The following NOTCH1 variants were observed in gnomAD, a reference collection of about 807,000 sequenced individuals.
The protein encoded by NOTCH1 is notch receptor 1, also known as neurogenic locus notch homolog protein 1.
Under a neutral mutation model 254.8 loss-of-function variants are expected in NOTCH1, and 37 were observed. The ratio of observed to expected loss-of-function variants is 0.15; its 90% CI spans 0.11 to 0.19. The LOEUF (loss-of-function observed/expected upper bound fraction) is 0.19, where lower values mean the gene tolerates loss of function less well. NOTCH1 is among the 10% of genes least tolerant of loss of function. NOTCH1 has a pLI of 1.00. For missense variants in NOTCH1, 2,972 were observed against 3,708.6 expected, an observed-to-expected ratio of 0.80 and a Z score of 5.16; for synonymous variants, 1,731 against 1,618.1, an observed-to-expected ratio of 1.07 and a Z score of -1.68.
At position 136,500,664 on chromosome 9, in the gene NOTCH1, G is replaced by A. The variant is rs2133325973; in HGVS notation, c.5822C>T (p.Ser1941Phe). The change falls in exon 31 of 34, where the codon TCT becomes TTT. Residue 1941 changes from serine (S) to phenylalanine (F), a missense_variant. Physicochemically the swap from Ser to Phe is radical, Grantham distance 155. Around this residue, in one of 8 missense-constraint regions of NOTCH1, gnomAD observed 421 missense variants for 604.4 expected, o/e 0.70. Transcript: ENST00000651671. ...CTCCAGCAGGCGCTTGGCGGCATCA[G>A]AGCGTGAGTAGCGGGCGGCCAGGTG... ...ALHLAARYSR[S>F]DAAKRLLEAS... 1 of 1,611,770 alleles carries A rather than the reference G, an allele frequency of 6.2e-7. No individual in the cohort carries two copies. The highest frequency in any genetic ancestry group is 8.5e-7 in the Non-Finnish European group (1 of 1,179,912).
intron 2 of NOTCH1, among the ~76,000 whole-genome samples, chr9:136,527,286 T>G (rs977289921): frequency 6.6e-6 from 1 of 152,226 alleles, no homozygotes; most frequent in African/African-American, 2.4e-5. Flanking sequence ...GCCTGCAGCA[T>G]GGCCATGGCC....
intron 3 of NOTCH1, 30 bp from the exon 4 acceptor site, chr9:136,523,218 T>C (rs765275815): frequency 1.0e-5 from 16 of 1,564,520 alleles, no homozygotes; most frequent in Non-Finnish European, 6.1e-6. Context: ...AGGGTCGTGC[T>C]GGCCTCACTG....
In NOTCH1 at chr9:136,518,575, G is replaced by A. The variant is rs777024482; in HGVS notation, c.1099+16C>T. ...ATGTGAGCCCCCTGCGCCCACCTGG[G>A]CCTCAAGGCACTCACCTGTGCGGCC... On this transcript the variant is annotated intron_variant, in intron 6 of 33. Coordinates refer to ENST00000651671, the MANE Select transcript of NOTCH1 (RefSeq NM_017617.5). The A allele has an allele frequency of 1.1e-5, 18 of 1,606,628 alleles. No individual in the cohort carries two copies. In the East Asian group the frequency reaches 1.1e-4, roughly 10 times the overall value.
At position 136,500,880 on chromosome 9, in the gene NOTCH1, G is replaced by A. The variant is rs1188197669; in HGVS notation, c.5639-33C>T. ...GGCAGAGACGGGTGCTCAGTCTGGA[G>A]GGCCGGTCCCCAGCTGCAGCCCAGG... On this transcript the variant is annotated intron_variant, in intron 30 of 33. Transcript: ENST00000651671. The A allele has an allele frequency of 3.2e-6, 5 of 1,554,428 alleles. No homozygotes were observed. The African/African-American group carries it at 4.1e-5, about 13-fold the overall frequency.
At position 136,497,243 on chromosome 9, in the gene NOTCH1, G is replaced by A. The variant is rs2133318278; in HGVS notation, c.6496C>T (p.Leu2166=). 6.2e-7 allele frequency: 1 copy of A among 1,612,338 alleles called. No homozygotes were observed. Among genetic ancestry groups the A allele is most frequent in the Non-Finnish European group, 8.5e-7 (1 of 1,179,940 alleles). The change falls in exon 34 of 34, where the codon CTG becomes TTG. Residue 2166 remains leucine, a synonymous_variant. Coordinates refer to ENST00000651671, the MANE Select transcript of NOTCH1 (RefSeq NM_017617.5). ...TTGGCCTCCTTGCTTCCACAGGCCA[G>A]GCCTTTGCTGCTGGGCTTGCGGACC... ...KKVRKPSSKG[L]ACGSKEAKDL...
intron 19 of NOTCH1, 103 bp downstream of exon 19, chr9:136,508,767 C>G: frequency 8.2e-7 from 1 of 1,223,258 alleles, no homozygotes; most frequent in Non-Finnish European, 1.1e-6. Flanking sequence ...GGGGGTGACC[C>G]CGAGCCGACA....
intron 2 of NOTCH1, among the ~76,000 whole-genome samples, chr9:136,528,389 CA>C: frequency 2.6e-5 from 3 of 117,446 alleles, no homozygotes; most frequent in East Asian, 2.3e-4. Flanking sequence ...TGGGCAGGGA[CA>C]GTGGGGGGGG....
chr9:136,509,276 G>A (rs888850949), intron 18 of NOTCH1, among the ~76,000 whole-genome samples: 1 of 152,188 alleles, frequency 6.6e-6, no homozygotes, highest in Non-Finnish European at 1.5e-5. Flanking sequence ...TCCCTCCCCT[G>A]CTTTCTTTAT....
chr9:136,506,847 G>T lies in NOTCH1; in HGVS notation c.3770C>A (p.Pro1257Gln). The T allele has an allele frequency of 6.2e-7, 1 of 1,612,026 alleles. No homozygotes were observed. Among genetic ancestry groups the T allele is most frequent in the Non-Finnish European group, 8.5e-7 (1 of 1,179,584 alleles). ...QVGGYSCTCPPGFVGERCEGD... is the reference protein window; with the variant it reads ...QVGGYSCTCPQGFVGERCEGD... ...CTCACAGCGCTCACCCACGAAGCCC[G>T]GCGGGCAGGTGCAGCTGTAGCCGCC... is the stretch of plus-strand genomic sequence containing the variant. The change falls in exon 23 of 34, where the codon CCG (proline) becomes CAG (glutamine). Residue 1257 changes from proline to glutamine, a missense_variant. Physicochemically the swap from Pro to Gln is moderately conservative, Grantham distance 76. This residue lies in a region of NOTCH1 where 1,343 missense variants were observed against 1,557.0 expected (regional missense o/e 0.86). Coordinates refer to ENST00000651671, the MANE Select transcript of NOTCH1 (RefSeq NM_017617.5). The surrounding 1 kb of genome is among the most constrained non-coding windows in gnomAD (Gnocchi z 4.5).
chr9:136,515,964 T>C lies in NOTCH1; in HGVS notation c.1669+17A>G, dbSNP rs1441979279. 1.3e-6 allele frequency: 2 copies of C among 1,594,160 alleles called. No homozygotes were observed. The highest frequency in any genetic ancestry group is 1.7e-6 in the Non-Finnish European group (2 of 1,167,772). On this transcript the variant is annotated intron_variant, in intron 10 of 33. Transcript: ENST00000651671. Reference sequence around the variant, plus strand: ...CCCGTCCCCAGTCCCTCCCCGCTGGTGGGCGCCAGCCCGCACCTTCCGTGC... The same window carrying C: ...CCCGTCCCCAGTCCCTCCCCGCTGGCGGGCGCCAGCCCGCACCTTCCGTGC...
chr9:136,530,476 G>T (rs1439952802), intron 2 of NOTCH1, among the ~76,000 whole-genome samples: 1 of 152,218 alleles, frequency 6.6e-6, no homozygotes, highest in Non-Finnish European at 1.5e-5. Flanking sequence ...GGCCCGTGGA[G>T]ATGGCGGAGC....
chr9:136,506,154 G>T lies in NOTCH1; in HGVS notation c.4015-273C>A, dbSNP rs549462329. Among the ~76,000 whole-genome samples the T allele has an allele frequency of 1.3e-5, 2 of 152,244 alleles. No individual in the cohort carries two copies. Among genetic ancestry groups the T allele is most frequent in the East Asian group, 3.9e-4 (2 of 5,174 alleles). On this transcript the variant is annotated intron_variant, in intron 24 of 33. Coordinates refer to ENST00000651671, the MANE Select transcript of NOTCH1 (RefSeq NM_017617.5). The surrounding 1 kb of genome is among the most constrained non-coding windows in gnomAD (Gnocchi z 4.5). ...CTCTCTGCCGTGATCCTGCGAGGGT[G>T]GGCAGGCATGTCATACCTCAGCCCA... is the stretch of plus-strand genomic sequence containing the variant.
At position 136,509,019 on chromosome 9, in the gene NOTCH1, G is replaced by C. The variant is rs1843134476; in HGVS notation, c.3022C>G (p.Leu1008Val). The C allele has an allele frequency of 6.4e-7, 1 of 1,563,506 alleles. No homozygotes were observed. Among genetic ancestry groups the C allele is most frequent in the East Asian group, 2.4e-5 (1 of 42,070 alleles). The part of the protein sequence containing the change: ...CVDGINSFTC[L>V]CPPGFTGSYC... ...CTGCCCGTGAAGCCGGGTGGACACA[G>C]GCAGGTGAACGAGTTGATGCCGTCC... The change falls in exon 19 of 34, where the codon CTG (leucine) becomes GTG (valine). Residue 1008 changes from leucine (L) to valine (V), a missense_variant. Around this residue, in one of 8 missense-constraint regions of NOTCH1, gnomAD observed 1,343 missense variants for 1,557.0 expected, o/e 0.86. Transcript: ENST00000651671.
chr9:136,537,777 C>G (rs930383406), intron 2 of NOTCH1, among the ~76,000 whole-genome samples: 2 of 152,122 alleles, frequency 1.3e-5, no homozygotes, highest in African/African-American at 4.8e-5. Context: ...GCCTGTGTGA[C>G]AGGGTGAGAC....
intron 30 of NOTCH1, among the ~76,000 whole-genome samples, 157 bp downstream of exon 30, chr9:136,501,591 C>G (rs1052072104): frequency 6.6e-6 from 1 of 152,176 alleles, no homozygotes; most frequent in Non-Finnish European, 1.5e-5. Flanking sequence ...CCAGGACCCC[C>G]CCACGTCTAC....
intron 10 of NOTCH1, 101 bp from the exon 11 acceptor site, chr9:136,515,817 T>A: frequency 7.9e-7 from 1 of 1,258,282 alleles, no homozygotes; most frequent in Non-Finnish European, 1.1e-6. Context: ...TGAGGAGGGC[T>A]CCGAGCGTGG....
Position 136,507,423 on chromosome 9 carries a change from G to A in NOTCH1, c.3525C>T (p.Tyr1175=), listed in dbSNP as rs2133345312. 2.5e-6 allele frequency: 4 copies of A among 1,608,350 alleles called. No homozygotes were observed. The highest frequency in any genetic ancestry group is 2.5e-6 in the Non-Finnish European group (3 of 1,178,150). ...TCTCCTCAGAGCAGTTCACCCCGTG[G>A]TAGCCGGCCACGCACTGTGCAGGCG... ...GGYSCKCVAG[Y]HGVNCSEEID... is the part of the protein sequence containing the mutation. Residue 1175 remains tyrosine (Y), a synonymous_variant, in exon 22 of 34, where the codon TAC becomes TAT. Coordinates refer to ENST00000651671, the MANE Select transcript of NOTCH1 (RefSeq NM_017617.5).
In NOTCH1 at chr9:136,516,057, C is replaced by T. The variant is rs1393979628; in HGVS notation, c.1593G>A (p.Glu531=). Residue 531 remains glutamate, a synonymous_variant, in exon 10 of 34, where the codon GAG becomes GAA. Coordinates refer to ENST00000651671, the MANE Select transcript of NOTCH1 (RefSeq NM_017617.5). ...TGHLCQYDVD[E]CASTPCKNGA... ...CATTCTTGCAGGGGGTGCTGGCACA[C>T]TCGTCCACATCGTACTGGCACAGAT... 3 of 1,612,218 alleles carry T rather than the reference C, an allele frequency of 1.9e-6. No individual in the cohort carries two copies. The highest frequency in any genetic ancestry group is 2.2e-5 in the East Asian group (1 of 44,888).
At position 136,505,559 on chromosome 9, in the gene NOTCH1, T is replaced by G. The variant is rs1432651635; in HGVS notation, c.4337A>C (p.Glu1446Ala). 1.2e-6 allele frequency: 2 copies of G among 1,611,072 alleles called. No homozygotes were observed. The highest frequency in any genetic ancestry group is 1.7e-6 in the Non-Finnish European group (2 of 1,179,138). ...GCACTCGGGCAGCTCGCACGCCTCC[T>G]CGATCAGCGGCGGGGGGATGTCGCG... ...AGRDIPPPLI[E>A]EACELPECQE... The change falls in exon 25 of 34, where the codon GAG becomes GCG. Residue 1446 changes from glutamate (E) to alanine (A), a missense_variant. Coordinates refer to ENST00000651671, the MANE Select transcript of NOTCH1 (RefSeq NM_017617.5).
Sources: allele counts gnomAD v4.1 joint callset (sites outside exome capture counted in the v4.1 genomes callset), GRCh38; gene constraint gnomAD v4.1.1; regional missense constraint gnomAD v4.1.1; non-coding constraint Gnocchi (gnomAD v3.1); transcripts MANE v1.5; gene names NCBI Gene and HGNC (gene_info 2026-07-23, HGNC 2026-07-21).